Variants in XIRP2 observed in about 807,000 individuals in gnomAD.
XIRP2 encodes xin actin-binding repeat-containing protein 2.
XIRP2 carries 236 observed loss-of-function variants against 277.0 expected under a neutral mutation model. The observed-to-expected ratio is 0.85, with a 90% CI of 0.77 to 0.95. The LOEUF (loss-of-function observed/expected upper bound fraction) is 0.95, where lower values mean the gene tolerates loss of function less well. Ranked by LOEUF, XIRP2 falls within the 40% of genes least tolerant of loss-of-function variation. The pLI, the probability that XIRP2 is intolerant of heterozygous loss-of-function variation, is 0.00. For missense variants in XIRP2, 4,640 were observed against 4,157.5 expected (o/e 1.12, Z -3.19); for synonymous variants, 1,490 against 1,416.5 (o/e 1.05, Z -1.17).
At chr2:167,172,898 T>C (rs1008530834) in intron 3 of XIRP2, among the ~76,000 whole-genome samples, 12 of 152,200 alleles carry the variant, frequency 7.9e-5, no homozygotes, top group Non-Finnish European at 1.6e-4. Context: ...AGAGTATTGA[T>C]TGGGGAAGTG....
chr2:167,073,550 C>T (rs1379956292), intron 2 of XIRP2, among the ~76,000 whole-genome samples: 4 of 151,932 alleles, frequency 2.6e-5, no homozygotes, highest in Non-Finnish European at 5.9e-5. Flanking sequence ...AACTAGATAC[C>T]AGTGTCATTA....
intron 2 of XIRP2, among the ~76,000 whole-genome samples, chr2:167,126,997 A>T (rs999017919): frequency 5.3e-5 from 8 of 152,144 alleles, no homozygotes; most frequent in Admixed American, 2.6e-4. Context: ...TTAGGATAGG[A>T]ATTTACATTG....
intron 5 of XIRP2, among the ~76,000 whole-genome samples, chr2:167,233,651 G>A (rs1222865914): frequency 6.6e-6 from 1 of 151,254 alleles, no homozygotes. Flanking sequence ...GATTTTGGTT[G>A]GTATTAGTTA....
intron 3 of XIRP2, among the ~76,000 whole-genome samples, chr2:167,165,217 A>C (rs1427619749): frequency 1.3e-5 from 2 of 152,136 alleles, no homozygotes; most frequent in Non-Finnish European, 2.9e-5. Context: ...CATTGTCTGG[A>C]TATGCCACCG....
In XIRP2 at chr2:167,244,373, C is replaced by G; in HGVS notation, c.2981C>G (p.Pro994Arg). The stretch of plus-strand genomic sequence containing the variant: ...ACACCACTGTATGCCATTCAAGATC[C>G]CCTTGGAAAATATCATCAAGTAAAG... ...ETTPLYAIQD[P>R]LGKYHQVKTV... is the part of the protein sequence containing the mutation. Residue 994 changes from proline to arginine, a missense_variant, in exon 9 of 11, where the codon CCC (proline) becomes CGC (arginine). Transcript: ENST00000409195. 1 of 1,613,370 alleles carries G rather than the reference C, an allele frequency of 6.2e-7. No individual in the cohort carries two copies. The highest frequency in any genetic ancestry group is 1.1e-5 in the South Asian group (1 of 90,922).
At position 167,244,713 on chromosome 2, in the gene XIRP2, T is replaced by A. The variant is rs201750336; in HGVS notation, c.3321T>A (p.Tyr1107Ter). Residue 1107 changes from tyrosine (Y) to a stop codon, truncating the protein, a stop_gained, in exon 9 of 11, where the codon TAT becomes TAA. Transcript: ENST00000409195. LOFTEE classifies it high-confidence loss of function. Reference protein sequence around the residue: ...LFETQPMESLYEKVSLMTSSE... With the variant: ...LFETQPMESL ...AGACCCAGCCAATGGAGTCTCTTTATGAAAAAGTTTCGTTAATGACCAGCA... is the reference window on the plus strand; with the variant it reads ...AGACCCAGCCAATGGAGTCTCTTTAAGAAAAAGTTTCGTTAATGACCAGCA... The A allele has an allele frequency of 4.3e-6, 7 of 1,613,264 alleles. No homozygotes were observed. The highest frequency in any genetic ancestry group is 5.1e-6 in the Non-Finnish European group (6 of 1,179,638).
intron 2 of XIRP2, among the ~76,000 whole-genome samples, chr2:166,970,339 A>G (rs2097875014): frequency 1.3e-5 from 2 of 152,044 alleles, no homozygotes; most frequent in South Asian, 2.1e-4. Context: ...ATTGAAAATC[A>G]TTATAATTTA....
At chr2:167,138,249 A>G (rs776713003) in intron 3 of XIRP2, among the ~76,000 whole-genome samples, 6 of 152,214 alleles carry the variant, frequency 3.9e-5, no homozygotes, top group Non-Finnish European at 5.9e-5. Flanking sequence ...ACACTTATAA[A>G]AGATAATTTA....
At chr2:166,995,492 T>C (rs1687197168) in intron 2 of XIRP2, among the ~76,000 whole-genome samples, 1 of 152,158 alleles carries the variant, frequency 6.6e-6, no homozygotes, top group Non-Finnish European at 1.5e-5. Flanking sequence ...AGTAAGAACC[T>C]TTTTCTGCAA....
intron 2 of XIRP2, among the ~76,000 whole-genome samples, chr2:167,025,045 G>C (rs548051089): frequency 2.0e-5 from 3 of 152,014 alleles, no homozygotes; most frequent in Non-Finnish European, 4.4e-5. Context: ...GTTCCTCCTT[G>C]TACCTCTGGT....
intron 2 of XIRP2, among the ~76,000 whole-genome samples, chr2:167,000,476 G>A (rs1298857874): frequency 2.0e-5 from 3 of 149,706 alleles, no homozygotes; most frequent in Admixed American, 6.6e-5. Context: ...GGGTTAATTT[G>A]GTCAAGTTTG....
At chr2:166,983,416 T>C (rs1686925338) in intron 2 of XIRP2, among the ~76,000 whole-genome samples, 1 of 152,234 alleles carries the variant, frequency 6.6e-6, no homozygotes, top group South Asian at 2.1e-4. Flanking sequence ...TTTAGATTTT[T>C]GGCCTTTTAA....
chr2:166,985,836 G>A (rs1465201521), intron 2 of XIRP2, among the ~76,000 whole-genome samples: 2 of 152,108 alleles, frequency 1.3e-5, no homozygotes, highest in African/African-American at 4.8e-5. Context: ...AACACTCTTA[G>A]GGGTCAGTCT....
intron 2 of XIRP2, among the ~76,000 whole-genome samples, chr2:167,033,862 A>G (rs934104238): frequency 1.3e-5 from 2 of 152,232 alleles, no homozygotes; most frequent in African/African-American, 2.4e-5. Context: ...GACCAGTCCT[A>G]CAGGAAATGC....
intron 2 of XIRP2, among the ~76,000 whole-genome samples, chr2:167,015,172 T>G (rs1438431807): frequency 6.6e-6 from 1 of 151,908 alleles, no homozygotes; most frequent in East Asian, 1.9e-4. Flanking sequence ...AGATTTAAAT[T>G]TGAATATTTT....
At chr2:166,951,452 T>C (rs909520701) in intron 2 of XIRP2, among the ~76,000 whole-genome samples, 1 of 151,590 alleles carries the variant, frequency 6.6e-6, no homozygotes, top group African/African-American at 2.4e-5. Context: ...TCCACACACT[T>C]TTAAGCATTT....
chr2:167,057,306 T>C (rs1365201346), intron 2 of XIRP2, among the ~76,000 whole-genome samples: 1 of 152,156 alleles, frequency 6.6e-6, no homozygotes, highest in Non-Finnish European at 1.5e-5. Flanking sequence ...GGAAACCACA[T>C]TCCTAGTGTA....
intron 2 of XIRP2, among the ~76,000 whole-genome samples, chr2:166,944,443 G>A (rs1334660393): frequency 1.3e-5 from 2 of 152,156 alleles, no homozygotes; most frequent in Non-Finnish European, 2.9e-5. Context: ...AGTACCATAG[G>A]CATTGTGAAA....
At chr2:167,140,629 A>G (rs954636958) in intron 3 of XIRP2, among the ~76,000 whole-genome samples, 1 of 152,110 alleles carries the variant, frequency 6.6e-6, no homozygotes, top group Non-Finnish European at 1.5e-5. Context: ...TTCCCTACCT[A>G]CTGTACCTTA....
Sources: allele counts gnomAD v4.1 joint callset (sites outside exome capture counted in the v4.1 genomes callset), GRCh38; gene constraint gnomAD v4.1.1; transcripts MANE v1.5; gene names NCBI Gene and HGNC (gene_info 2026-07-23, HGNC 2026-07-21).